CDH4: variants seen among roughly 807,000 people sequenced by gnomAD.
CDH4 encodes the protein cadherin 4.
In CDH4, 33 loss-of-function variants were observed where a neutral mutation model predicts 86.0. The observed-to-expected ratio is 0.38, with a 90% CI of 0.29 to 0.51. The LOEUF (loss-of-function observed/expected upper bound fraction) is 0.51. CDH4 is among the 20% of genes least tolerant of loss of function. The pLI is 0.86. For synonymous variants in CDH4, 555 were observed against 549.4 expected (o/e 1.01, Z -0.14); for missense variants, 1,114 against 1,307.4 (o/e 0.85, Z 2.28).
At chr20:61,637,963 G>A (rs937470107) in intron 2 of CDH4, among the ~76,000 whole-genome samples, 3 of 150,930 alleles carry the variant, frequency 2.0e-5, no homozygotes, top group South Asian at 2.1e-4. Context: ...ACCAGGAGGC[G>A]GAGGCTGCAG....
intron 2 of CDH4, among the ~76,000 whole-genome samples, chr20:61,700,710 A>G (rs1276664419): frequency 2.0e-5 from 3 of 151,814 alleles, no homozygotes; most frequent in African/African-American, 7.3e-5. Flanking sequence ...ATCACCCTAT[A>G]CGGCCTCACT....
chr20:61,411,453 ACT>A (rs1185709919), intron 2 of CDH4, among the ~76,000 whole-genome samples: 3 of 151,062 alleles, frequency 2.0e-5, no homozygotes, highest in Admixed American at 6.6e-5. Context: ...CTCAAGCCAA[ACT>A]CTCTCATCTT....
intron 2 of CDH4, among the ~76,000 whole-genome samples, chr20:61,471,348 T>C (rs987811687): frequency 1.4e-4 from 22 of 152,096 alleles, no homozygotes; most frequent in African/African-American, 5.3e-4. Flanking sequence ...ATCCTTTGCG[T>C]TTCTGTGTTA....
chr20:61,365,766 G>A (rs2084808193), intron 2 of CDH4, among the ~76,000 whole-genome samples: 1 of 152,124 alleles, frequency 6.6e-6, no homozygotes, highest in Non-Finnish European at 1.5e-5. Context: ...CCTTTGGAGA[G>A]ACAGTAACCA....
chr20:61,425,507 G>C (rs986998273), intron 2 of CDH4, among the ~76,000 whole-genome samples: 6 of 152,240 alleles, frequency 3.9e-5, no homozygotes, highest in Admixed American at 2.0e-4. Context: ...CAGGACGTGG[G>C]CTCTGAGGTC....
At chr20:61,310,767 C>T (rs2084441253) in intron 2 of CDH4, among the ~76,000 whole-genome samples, 1 of 152,234 alleles carries the variant, frequency 6.6e-6, no homozygotes, top group African/African-American at 2.4e-5. Flanking sequence ...GGCTCTGTGG[C>T]CTGCAGATCC....
At chr20:61,928,146 A>T in intron 11 of CDH4, 44 bp from the exon 12 acceptor site, 6 of 1,473,940 alleles carry the variant, frequency 4.1e-6, no homozygotes, top group Non-Finnish European at 5.6e-6. Context: ...TTGGTCATGG[A>T]GTACCAGGAG....
chr20:61,552,141 C>T (rs1177177708), intron 2 of CDH4, among the ~76,000 whole-genome samples: 1 of 152,066 alleles, frequency 6.6e-6, no homozygotes, highest in Non-Finnish European at 1.5e-5. Flanking sequence ...GACTTCCTCA[C>T]AATTAAAAAT....
rs1322736146 is a variant in CDH4 at position 61,866,539 on chromosome 20, T to TG, written c.878-7189_878-7188insG. On this transcript the variant is annotated intron_variant, in intron 6 of 15. Transcript: ENST00000614565. ...CACATTTGACATGTGGAAAATGTCTTCCTTTCATTTCTTTGATCAATAATA... is the reference window on the plus strand; with the variant it reads ...CACATTTGACATGTGGAAAATGTCTTGCCTTTCATTTCTTTGATCAATAATA... 7.2e-5 allele frequency among the ~76,000 whole-genome samples: 11 copies of TG among 152,316 alleles called. No homozygotes were observed. In the East Asian group the frequency reaches 1.5e-3, roughly 21 times the overall value.
chr20:61,260,535 G>T (rs865854938), intron 2 of CDH4, among the ~76,000 whole-genome samples: 3 of 152,194 alleles, frequency 2.0e-5, no homozygotes, highest in Non-Finnish European at 2.9e-5. Context: ...TCTCTGTAGC[G>T]AAGCAGAATT....
intron 2 of CDH4, among the ~76,000 whole-genome samples, chr20:61,405,396 C>T (rs2085076358): frequency 6.6e-6 from 1 of 151,952 alleles, no homozygotes; most frequent in Admixed American, 6.6e-5. Context: ...TACAGTGCGG[C>T]CCTTTATGAT....
rs148741226 is a variant in CDH4, at chr20:61,370,060, G to T, written c.169+115123G>T. On this transcript the variant is annotated intron_variant, in intron 2 of 15. Transcript: ENST00000614565. ...GGTTTCTGAGCCATGCAGGGCCCCAGCCTGGCCTGCCAGGGCTGCATCCTG... is the reference window on the plus strand; with the variant it reads ...GGTTTCTGAGCCATGCAGGGCCCCATCCTGGCCTGCCAGGGCTGCATCCTG... 9.2e-3 allele frequency: 1,402 copies of T among 152,506 alleles called. 14 individuals carry two copies. The highest frequency in any genetic ancestry group is 0.03 in the Middle Eastern group (9 of 296). 9.4% of individuals were successfully genotyped at this position (152,506 alleles called of 1,614,324 possible).
chr20:61,429,299 G>A (rs1326790439), intron 2 of CDH4, among the ~76,000 whole-genome samples: 1 of 152,164 alleles, frequency 6.6e-6, no homozygotes, highest in African/African-American at 2.4e-5. Flanking sequence ...CATGCAGCTG[G>A]TGAAAGGCAG....
rs746448086 is a variant in CDH4, at chr20:61,924,375, A to G, written c.1670A>G (p.Asn557Ser). The G allele has an allele frequency of 1.4e-5, 22 of 1,613,714 alleles. No individual in the cohort carries two copies. The highest frequency in any genetic ancestry group is 6.7e-5 in the African/African-American group (5 of 74,890). ...LSDPASWLHI[N>S]ATNGQITTAA... is the part of the protein sequence containing the mutation. ...GACCCAGCGAGCTGGCTGCACATCAATGCCACCAACGGCCAGATCACCACG... is the reference window on the plus strand; with the variant it reads ...GACCCAGCGAGCTGGCTGCACATCAGTGCCACCAACGGCCAGATCACCACG... Residue 557 changes from asparagine to serine, a missense_variant, in exon 11 of 16, where the codon AAT (asparagine) becomes AGT (serine). Transcript: ENST00000614565.
chr20:61,696,255 C>T (rs1038893687), intron 2 of CDH4, among the ~76,000 whole-genome samples: 3 of 152,240 alleles, frequency 2.0e-5, no homozygotes, highest in African/African-American at 4.8e-5. Flanking sequence ...AAGGCCGACT[C>T]GGGCACAGAA....
At chr20:61,453,366 A>T (rs1297593044) in intron 2 of CDH4, among the ~76,000 whole-genome samples, 2 of 152,164 alleles carry the variant, frequency 1.3e-5, no homozygotes, top group Non-Finnish European at 2.9e-5. Context: ...CAGAGACGTC[A>T]GGGCTGAGCT....
chr20:61,884,894 C>T (rs1984471007), intron 7 of CDH4, among the ~76,000 whole-genome samples: 1 of 152,126 alleles, frequency 6.6e-6, no homozygotes, highest in South Asian at 2.1e-4. Flanking sequence ...GGGGTTGGGA[C>T]ACCGGCTGGA....
chr20:61,831,899 A>G (rs558117371), intron 4 of CDH4, among the ~76,000 whole-genome samples: 23 of 152,328 alleles, frequency 1.5e-4, no homozygotes, highest in African/African-American at 5.5e-4. Flanking sequence ...AGGCTATGAG[A>G]TGTGGCACAG....
chr20:61,589,825 T>A (rs1467573294), intron 2 of CDH4, among the ~76,000 whole-genome samples: 184 of 133,380 alleles, frequency 1.4e-3, no homozygotes, highest in African/African-American at 4.6e-3. Flanking sequence ...TAATAATAAT[T>A]AAAAAAAAAA....
Sources: gnomAD v4.1 joint callset for allele counts (sites outside exome capture counted in the v4.1 genomes callset) on GRCh38, gnomAD v4.1.1 for gene constraint, MANE v1.5 for transcripts, NCBI Gene and HGNC (gene_info 2026-07-23, HGNC 2026-07-21) for gene names.